PTK7: variants seen among roughly 807,000 people sequenced by gnomAD.
PTK7 encodes the protein protein tyrosine kinase 7 (inactive), also known as inactive tyrosine-protein kinase 7.
Under a neutral mutation model 116.6 loss-of-function variants are expected in PTK7, and 39 were observed. The ratio of observed to expected loss-of-function variants is 0.33; its 90% confidence interval spans 0.26 to 0.44. The LOEUF (loss-of-function observed/expected upper bound fraction) is 0.44. PTK7 is among the 20% of genes least tolerant of loss of function. The pLI is 1.00. For synonymous variants in PTK7, 546 were observed against 563.6 expected (o/e 0.97, Z 0.44); for missense variants, 1,169 against 1,425.6 (o/e 0.82, Z 2.90).
chr6:43,149,941 C>T (rs1770971058), intron 17 of PTK7, among the ~76,000 whole-genome samples: 1 of 152,040 alleles, frequency 6.6e-6, no homozygotes, highest in South Asian at 2.1e-4. Context: ...ACCAAAGTGC[C>T]ATATTGGGTG....
intron 1 of PTK7, among the ~76,000 whole-genome samples, chr6:43,117,853 T>C (rs1459252444): frequency 6.6e-6 from 1 of 151,828 alleles, no homozygotes; most frequent in Non-Finnish European, 1.5e-5. Context: ...GGAGAGATGC[T>C]TGAACCTGGG....
intron 1 of PTK7, among the ~76,000 whole-genome samples, chr6:43,079,397 G>T (rs1440070043): frequency 6.6e-6 from 1 of 151,116 alleles, no homozygotes; most frequent in Non-Finnish European, 1.5e-5. Flanking sequence ...AACCCGGGAG[G>T]TGGAGCTTGC....
At chr6:43,153,283 T>C (rs1771237757) in intron 17 of PTK7, among the ~76,000 whole-genome samples, 1 of 148,756 alleles carries the variant, frequency 6.7e-6, no homozygotes, top group African/African-American at 2.5e-5. Context: ...GCTAATTTTT[T>C]TGTATTTTTA....
chr6:43,133,906 G>A (rs563433798), intron 7 of PTK7, among the ~76,000 whole-genome samples: 21 of 152,226 alleles, frequency 1.4e-4, no homozygotes, highest in Admixed American at 1.3e-4. Flanking sequence ...TACTCAGGCC[G>A]TGATTTGGGT....
At chr6:43,122,471 G>A (rs1419476878) in intron 1 of PTK7, among the ~76,000 whole-genome samples, 1 of 152,204 alleles carries the variant, frequency 6.6e-6, no homozygotes, top group African/African-American at 2.4e-5. Context: ...CCTACACTGG[G>A]AAGCTGGCAA....
intron 1 of PTK7, among the ~76,000 whole-genome samples, chr6:43,092,259 G>A (rs1202741533): frequency 2.6e-5 from 4 of 151,692 alleles, no homozygotes; most frequent in African/African-American, 7.3e-5. Context: ...CTGCAGCCTC[G>A]ACCTCCTGGG....
At chr6:43,154,581 A>T (rs960710002) in intron 17 of PTK7, among the ~76,000 whole-genome samples, 3 of 152,074 alleles carry the variant, frequency 2.0e-5, no homozygotes, top group Non-Finnish European at 2.9e-5. Context: ...GCTGGCTAAG[A>T]TTCCCTAAAT....
Position 43,129,581 on chromosome 6 carries a change from A to G in PTK7, c.368-146A>G. 1.4e-6 allele frequency: 1 copy of G among 734,956 alleles called. No homozygotes were observed. Among genetic ancestry groups the G allele is most frequent in the Non-Finnish European group, 2.3e-6 (1 of 444,310 alleles). The allele number at this position is 734,956 out of a possible 1,614,324, so 45.5% of individuals were successfully genotyped here. On this transcript the variant is annotated intron_variant, in intron 2 of 19. Transcript: ENST00000230419. The surrounding 1 kb of genome is among the most constrained non-coding windows in gnomAD (Gnocchi z 4.5). The stretch of plus-strand genomic sequence containing the variant: ...CAGGCACTTAGTATCTGGTAACTGT[A>G]GCCCCAGCCTCAGCCTCCAGGGCTT...
intron 1 of PTK7, among the ~76,000 whole-genome samples, chr6:43,078,333 G>A (rs1766174111): frequency 6.6e-6 from 1 of 151,966 alleles, no homozygotes. Flanking sequence ...GAGGTCTGTA[G>A]TCTCCTCAGG....
At chr6:43,114,819 T>C (rs550840233) in intron 1 of PTK7, among the ~76,000 whole-genome samples, 59 of 152,132 alleles carry the variant, frequency 3.9e-4, no homozygotes, top group African/African-American at 1.4e-3. Context: ...GCAGGCGGAT[T>C]GCCTGAGGTC....
chr6:43,121,145 G>A (rs79199084), intron 1 of PTK7, among the ~76,000 whole-genome samples: 5,435 of 151,314 alleles, frequency 0.036, 125 homozygotes, highest in South Asian at 0.074. Flanking sequence ...AAGTTGCTGG[G>A]ATTACAGGCG....
chr6:43,095,878 G>C (rs897563084), intron 1 of PTK7, among the ~76,000 whole-genome samples: 4 of 152,152 alleles, frequency 2.6e-5, no homozygotes, highest in Non-Finnish European at 5.9e-5. Context: ...TGTCTTCATT[G>C]TCCTGTGAGG....
At chr6:43,114,990 C>T (rs143101308) in intron 1 of PTK7, among the ~76,000 whole-genome samples, 13 of 151,188 alleles carry the variant, frequency 8.6e-5, no homozygotes, top group Non-Finnish European at 1.9e-4. Flanking sequence ...TGCAGTGAGC[C>T]GAGATCTTGC....
At chr6:43,133,293 G>C (rs762444863) in intron 7 of PTK7, 1 of 153,710 alleles carries the variant, frequency 6.5e-6, no homozygotes, top group Non-Finnish European at 1.4e-5. Flanking sequence ...CTTTATATCA[G>C]GCTGGGCGCG....
At chr6:43,105,714 A>G (rs1407927164) in intron 1 of PTK7, among the ~76,000 whole-genome samples, 2 of 152,160 alleles carry the variant, frequency 1.3e-5, no homozygotes, top group African/African-American at 4.8e-5. Flanking sequence ...GTGATAGCGA[A>G]GGCTGAGGTT....
rs780183110 is a variant in PTK7 at position 43,130,321 on chromosome 6, C to T, written c.562C>T (p.Arg188Trp). The change falls in exon 4 of 20, where the codon CGG becomes TGG. Residue 188 changes from arginine (R) to tryptophan (W), a missense_variant. Coordinates refer to ENST00000230419, the MANE Select transcript of PTK7 (RefSeq NM_002821.5). The part of the protein sequence containing the change: ...VSSKERNLTL[R>W]PAGPEHSGLY... ...CAGCAAGGAGCGGAACCTGACGCTC[C>T]GGCCAGCTGGTCCTGAGCATAGTGG... 25 of 1,612,504 alleles carry T rather than the reference C, an allele frequency of 1.6e-5. No individual in the cohort carries two copies. In the East Asian group the frequency reaches 1.6e-4, roughly 10 times the overall value.
chr6:43,132,184 G>A lies in PTK7; in HGVS notation c.961+20G>A, dbSNP rs201871298. 1.4e-5 allele frequency: 22 copies of A among 1,588,038 alleles called. No individual in the cohort carries two copies. Among genetic ancestry groups the A allele is most frequent in the Non-Finnish European group, 4.3e-6 (5 of 1,163,782 alleles). On this transcript the variant is annotated intron_variant, in intron 6 of 19. Transcript: ENST00000230419. ...TAGCAGGTGAGTCTCTGGGTCTGGG[G>A]TGCTGATGTGGGAGGCTGCCTTTAA...
In PTK7 at chr6:43,116,604, T is replaced by G. The variant is rs773040761; in HGVS notation, c.80-12373T>G. Among the ~76,000 whole-genome samples, 319 of 119,158 alleles carry G rather than the reference T, an allele frequency of 2.7e-3. 1 individual carries two copies. The highest frequency in any genetic ancestry group is 7.0e-3 in the Admixed American group (85 of 12,164). The allele number at this position is 119,158 out of a possible 152,430, so 78.2% of individuals were successfully genotyped here. On this transcript the variant is annotated intron_variant, in intron 1 of 19. Transcript: ENST00000230419. The stretch of plus-strand genomic sequence containing the variant: ...AGGAAGAAGGCCAGGAAAAGCTGGT[T>G]TGTGTGTGTGTGTGTGTGTGTGTGT...
At chr6:43,111,815 A>C (rs1362070083) in intron 1 of PTK7, among the ~76,000 whole-genome samples, 1 of 149,928 alleles carries the variant, frequency 6.7e-6, no homozygotes, top group Non-Finnish European at 1.5e-5. Flanking sequence ...CCACAGGTGC[A>C]TACCACCATG....
Sources: allele counts gnomAD v4.1 joint callset (sites outside exome capture counted in the v4.1 genomes callset), GRCh38; gene constraint gnomAD v4.1.1; non-coding constraint Gnocchi (gnomAD v3.1); transcripts MANE v1.5; gene names NCBI Gene and HGNC (gene_info 2026-07-23, HGNC 2026-07-21).